POLR1C: variants seen among roughly 807,000 people sequenced by gnomAD.
The protein encoded by POLR1C is DNA-directed RNA polymerases I and III subunit RPAC1.
In POLR1C, 42 loss-of-function variants were observed where a neutral mutation model predicts 38.3. The observed-to-expected ratio is 1.10, with a 90% CI of 0.86 to 1.42. The LOEUF is 1.42. Ranked by LOEUF, POLR1C falls within the 40% of genes most tolerant of loss-of-function variation. POLR1C has a pLI of 0.00. For synonymous variants in POLR1C, 163 were observed against 163.9 expected (o/e 0.99, Z 0.04); for missense variants, 507 against 450.5 (o/e 1.13, Z -1.14).
At chr6:43,550,106 GATAACCTCTACA>G (rs1331815018) in intron 9 of POLR1C, among the ~76,000 whole-genome samples, 5 of 152,118 alleles carry the variant, frequency 3.3e-5, no homozygotes, top group Non-Finnish European at 5.9e-5. Flanking sequence ...CATTTTCTCA[GATAACCTCTACA>G]AGAGTCATCG....
chr6:43,528,122 G>A (rs919963594), intron 8 of POLR1C: 4 of 1,570,388 alleles, frequency 2.5e-6, no homozygotes, highest in Non-Finnish European at 3.5e-6. Context: ...CTGGCTGCCA[G>A]TTCATCCACC....
chr6:43,559,319 T>C (rs1029956243), intron 10 of POLR1C, among the ~76,000 whole-genome samples: 2 of 152,066 alleles, frequency 1.3e-5, no homozygotes, highest in Admixed American at 6.6e-5. Flanking sequence ...AGAACACCAG[T>C]GTGTGCTATG....
chr6:43,522,019 G>A (rs1400676413), downstream of POLR1C, among the ~76,000 whole-genome samples: 2 of 152,216 alleles, frequency 1.3e-5, no homozygotes, highest in Non-Finnish European at 2.9e-5. Flanking sequence ...TAGAGTGAAT[G>A]TGCCACTTCA....
intron 10 of POLR1C, chr6:43,558,530 C>T: frequency 2.5e-6 from 4 of 1,604,348 alleles, no homozygotes; most frequent in Non-Finnish European, 3.4e-6. Context: ...GTCCTCATCG[C>T]TATCAAAATC....
At chr6:43,536,750 ACT>A (rs1469259465) in intron 9 of POLR1C, among the ~76,000 whole-genome samples, 1 of 111,552 alleles carries the variant, frequency 9.0e-6, no homozygotes, top group Non-Finnish European at 1.7e-5. Context: ...ACAGAGTGAG[ACT>A]CTATCTAAAA....
At chr6:43,524,762 C>A, downstream of POLR1C, 1 of 1,598,422 alleles carries the variant, frequency 6.3e-7, no homozygotes, top group South Asian at 1.1e-5. Context: ...TAGGATAAGG[C>A]CCAAGAGACT....
chr6:43,528,002 A>C (rs1793709267), intron 8 of POLR1C, among the ~76,000 whole-genome samples: 1 of 152,208 alleles, frequency 6.6e-6, no homozygotes, highest in African/African-American at 2.4e-5. Flanking sequence ...TGCTGGTAAC[A>C]GCCTGTCCAG....
chr6:43,560,347 A>G, intron 10 of POLR1C: 2 of 1,549,176 alleles, frequency 1.3e-6, no homozygotes, highest in Non-Finnish European at 1.7e-6. Flanking sequence ...TTTGGATTCT[A>G]TATAACCCAG....
chr6:43,539,502 G>A (rs779121432), intron 9 of POLR1C: 185 of 1,560,560 alleles, frequency 1.2e-4, no homozygotes, highest in Non-Finnish European at 1.6e-4. Flanking sequence ...TTGACCAAGC[G>A]GCCCAGCTTG....
chr6:43,535,185 G>A (rs1582206003), intron 9 of POLR1C, among the ~76,000 whole-genome samples: 1 of 151,674 alleles, frequency 6.6e-6, no homozygotes, highest in South Asian at 2.1e-4. Context: ...CCAGCTACTC[G>A]GGAGGCTGAG....
rs777418804 is a variant in POLR1C, at chr6:43,520,146, G to T, written c.463G>T (p.Asp155Tyr). The T allele has an allele frequency of 6.2e-6, 10 of 1,614,112 alleles. No homozygotes were observed. Among genetic ancestry groups the T allele is most frequent in the Non-Finnish European group, 8.5e-6 (10 of 1,180,052 alleles). The change falls in exon 5 of 9, where the codon GAT (aspartate) becomes TAT (tyrosine). Residue 155 changes from aspartate to tyrosine, a missense_variant. Transcript: ENST00000642195. ...CACTCGGAACCCCCATGCTGCTAAA[G>T]ATTCCTCTGACCCCAACGAACTGTA... ...RCTRNPHAAK[D>Y]SSDPNELYVN...
At chr6:43,531,253 AG>A (rs1406703136), downstream of POLR1C, among the ~76,000 whole-genome samples, 4 of 152,202 alleles carry the variant, frequency 2.6e-5, no homozygotes, top group Non-Finnish European at 5.9e-5. Flanking sequence ...AACACAGACA[AG>A]TTGGGCATGA....
At chr6:43,531,719 T>G (rs1039356134), downstream of POLR1C, 4 of 704,248 alleles carry the variant, frequency 5.7e-6, no homozygotes, top group Non-Finnish European at 1.0e-5. Context: ...GCTACGTGAT[T>G]TGCTGCACTC....
chr6:43,536,758 TAAAAAAAAAAAA>T (rs1156884252), intron 9 of POLR1C, among the ~76,000 whole-genome samples: 4 of 19,082 alleles, frequency 2.1e-4, no homozygotes, highest in East Asian at 2.0e-3. Context: ...AGACTCTATC[TAAAAAAAAAAAA>T]AAAAAAAAAA....
At chr6:43,519,031 A>G (rs959648686) in intron 2 of POLR1C, 11 of 426,460 alleles carry the variant, frequency 2.6e-5, no homozygotes, top group Non-Finnish European at 4.8e-5. Flanking sequence ...TAGTAAGAGG[A>G]CTGAGTAGTG....
intron 8 of POLR1C, chr6:43,528,721 GCA>G: frequency 1.9e-6 from 2 of 1,067,222 alleles, no homozygotes; most frequent in African/African-American, 3.2e-5. Flanking sequence ...AGCCAGTCTG[GCA>G]GGGCTAGTAG....
At chr6:43,541,489 TC>T in intron 9 of POLR1C, among the ~76,000 whole-genome samples, 1 of 152,242 alleles carries the variant, frequency 6.6e-6, no homozygotes, top group South Asian at 2.1e-4. Context: ...TTTAATACTT[TC>T]AAAGGGTTGC....
downstream of POLR1C, chr6:43,522,614 C>G (rs1169713166): frequency 2.6e-6 from 1 of 389,328 alleles, no homozygotes; most frequent in African/African-American, 2.1e-5. Flanking sequence ...CTCCCAACTT[C>G]TGCTTCCCCA....
chr6:43,519,222 G>A (rs1582180406), intron 2 of POLR1C, 111 bp from the exon 3 acceptor site: 1 of 732,376 alleles, frequency 1.4e-6, no homozygotes, highest in African/African-American at 1.7e-5. Context: ...TGGGCAAAGG[G>A]AGGTTTTTGG....
Sources: gnomAD v4.1 joint callset for allele counts (sites outside exome capture counted in the v4.1 genomes callset) on GRCh38, gnomAD v4.1.1 for gene constraint, MANE v1.5 for transcripts, NCBI Gene and HGNC (gene_info 2026-07-23, HGNC 2026-07-21) for gene names.